The following APP variants were observed in gnomAD, a reference collection of about 807,000 sequenced individuals.
The protein encoded by APP is amyloid-beta precursor protein.
APP carries 31 observed loss-of-function variants against 101.4 expected under a neutral mutation model. The ratio of observed to expected loss-of-function variants is 0.31; its 90% CI spans 0.23 to 0.41. The LOEUF (loss-of-function observed/expected upper bound fraction) is 0.41. APP is among the 10% of genes least tolerant of loss of function. The pLI is 1.00. For synonymous variants in APP, 366 were observed against 364.4 expected (o/e 1.00, Z -0.05); for missense variants, 839 against 1,003.7 (o/e 0.84, Z 2.22).
chr21:26,098,276 C>T (rs116013702), intron 2 of APP, among the ~76,000 whole-genome samples: 3,831 of 151,360 alleles, frequency 0.025, 166 homozygotes, highest in African/African-American at 0.089. Flanking sequence ...AAAACCTGGT[C>T]ACCATCAGAA....
chr21:25,960,795 A>G (rs192255858), intron 11 of APP, among the ~76,000 whole-genome samples: 2 of 152,284 alleles, frequency 1.3e-5, no homozygotes, highest in Non-Finnish European at 2.9e-5. Context: ...ACATCAGATA[A>G]TTCAGGAAGA....
intron 3 of APP, among the ~76,000 whole-genome samples, chr21:26,083,196 T>C (rs2061632286): frequency 1.3e-5 from 2 of 152,350 alleles, no homozygotes; most frequent in South Asian, 4.1e-4. Flanking sequence ...ATAACTGTTA[T>C]ATAAAAATCA....
rs536397743 is a variant in APP, at chr21:25,989,525, G to A, written c.1091-7048C>T. The stretch of plus-strand genomic sequence containing the variant: ...GACCCACCTTCAAACAGCAATGACC[G>A]TGGCCATCTCCAACAGGCCAGAAGG... On this transcript the variant is annotated intron_variant, in intron 8 of 17. Transcript: ENST00000346798. 6.6e-5 allele frequency among the ~76,000 whole-genome samples: 10 copies of A among 152,248 alleles called. No homozygotes were observed. The South Asian group carries it at 1.0e-3, about 16-fold the overall frequency.
intron 11 of APP, among the ~76,000 whole-genome samples, chr21:25,969,833 T>A (rs1016920063): frequency 8.5e-6 from 1 of 117,410 alleles, no homozygotes; most frequent in South Asian, 2.9e-4. Context: ...AGCAAGACCC[T>A]GAAAAGAAAA....
intron 6 of APP, among the ~76,000 whole-genome samples, chr21:26,017,981 G>A (rs111779276): frequency 1.3e-5 from 2 of 152,146 alleles, no homozygotes; most frequent in African/African-American, 4.8e-5. Flanking sequence ...GTCCCACTCT[G>A]TTGCCCAGGC....
intron 1 of APP, among the ~76,000 whole-genome samples, chr21:26,113,991 C>A (rs17001714): frequency 0.019 from 2,950 of 152,282 alleles, 92 homozygotes; most frequent in African/African-American, 0.068. Context: ...CTAATGGAAT[C>A]GCCATTGTTC....
At chr21:26,031,156 T>C (rs976132798) in intron 5 of APP, among the ~76,000 whole-genome samples, 1 of 152,166 alleles carries the variant, frequency 6.6e-6, no homozygotes, top group Non-Finnish European at 1.5e-5. Flanking sequence ...AAGGTGTCAA[T>C]GCAGCAAGAA....
intron 6 of APP, among the ~76,000 whole-genome samples, chr21:26,017,343 T>C (rs1253189621): frequency 2.0e-5 from 3 of 150,766 alleles, no homozygotes; most frequent in Non-Finnish European, 2.9e-5. Context: ...TCCCGGCTAC[T>C]TGGGAGGCTG....
At chr21:25,885,674 G>T (rs2037274119) in intron 17 of APP, among the ~76,000 whole-genome samples, 1 of 152,152 alleles carries the variant, frequency 6.6e-6, no homozygotes, top group African/African-American at 2.4e-5. Flanking sequence ...TCAACTGGCT[G>T]CTGCCTATGA....
At chr21:26,106,676 G>A (rs987610320) in intron 2 of APP, among the ~76,000 whole-genome samples, 2 of 152,302 alleles carry the variant, frequency 1.3e-5, no homozygotes, top group Admixed American at 6.5e-5. Context: ...TGCAACTAGT[G>A]CTTAGGATGG....
chr21:25,964,741 C>T (rs2041724179), intron 11 of APP, among the ~76,000 whole-genome samples: 1 of 151,744 alleles, frequency 6.6e-6, no homozygotes, highest in East Asian at 1.9e-4. Flanking sequence ...GCTGGGATTA[C>T]AGGCATGCGC....
chr21:25,932,381 T>C lies in APP; in HGVS notation c.1688-20419A>G, dbSNP rs183416028. ...TCTTATTCACCTAGAGAACCACAAA[T>C]CTTGGTGCTGGAAAGTACGATCCAT... On this transcript the variant is annotated intron_variant, in intron 13 of 17. Transcript: ENST00000346798. Among the ~76,000 whole-genome samples the C allele has an allele frequency of 3.1e-3, 467 of 152,198 alleles. 2 individuals carry two copies. Among genetic ancestry groups the C allele is most frequent in the Middle Eastern group, 0.02 (6 of 294 alleles).
intron 13 of APP, among the ~76,000 whole-genome samples, chr21:25,927,422 G>A (rs1465302615): frequency 6.6e-6 from 1 of 152,190 alleles, no homozygotes; most frequent in Non-Finnish European, 1.5e-5. Context: ...AGCCCTGTAT[G>A]ACGCGGCCAC....
At chr21:25,891,023 CT>C (rs1298059841) in intron 17 of APP, among the ~76,000 whole-genome samples, 2 of 152,170 alleles carry the variant, frequency 1.3e-5, no homozygotes, top group African/African-American at 4.8e-5. Flanking sequence ...GATTTTAACA[CT>C]TTTTCCCCCA....
At chr21:26,114,259 G>A (rs530114952) in intron 1 of APP, among the ~76,000 whole-genome samples, 2 of 151,866 alleles carry the variant, frequency 1.3e-5, no homozygotes, top group Non-Finnish European at 1.5e-5. Context: ...TTTCCTCCCC[G>A]CAAGGAGAGG....
chr21:25,929,341 A>C (rs1052239884), intron 13 of APP, among the ~76,000 whole-genome samples: 1 of 152,184 alleles, frequency 6.6e-6, no homozygotes, highest in Non-Finnish European at 1.5e-5. Flanking sequence ...GAAAAAAGGA[A>C]TGAGAATTCA....
chr21:26,057,466 TCACACACCACA>T (rs1568921144), intron 3 of APP, among the ~76,000 whole-genome samples: 1 of 131,632 alleles, frequency 7.6e-6, no homozygotes, highest in African/African-American at 3.2e-5. Context: ...AAAACGCATG[TCACACACCACA>T]CACACACACA....
At chr21:26,136,438 A>G (rs1054582922) in intron 1 of APP, among the ~76,000 whole-genome samples, 1 of 152,122 alleles carries the variant, frequency 6.6e-6, no homozygotes, top group Non-Finnish European at 1.5e-5. Context: ...TAAAATATGT[A>G]CAGGCTTTTT....
In APP at chr21:25,898,186, G is replaced by A. The variant is rs190325629; in HGVS notation, c.1964-513C>T. Among the ~76,000 whole-genome samples the A allele has an allele frequency of 2.5e-3, 377 of 151,902 alleles. 2 individuals carry two copies. Among genetic ancestry groups the A allele is most frequent in the African/African-American group, 8.5e-3 (352 of 41,504 alleles). Reference sequence around the variant, plus strand: ...TGTTCATGTATCTATGCAGTGAAGCGTTGTAAAAATTATATAATTTTAGTC... The same window carrying A: ...TGTTCATGTATCTATGCAGTGAAGCATTGTAAAAATTATATAATTTTAGTC... On this transcript the variant is annotated intron_variant, in intron 15 of 17. Transcript: ENST00000346798.
Sources: gnomAD v4.1 joint callset for allele counts (sites outside exome capture counted in the v4.1 genomes callset) on GRCh38, gnomAD v4.1.1 for gene constraint, MANE v1.5 for transcripts, NCBI Gene and HGNC (gene_info 2026-07-23, HGNC 2026-07-21) for gene names.